The following PLEKHG6 variants were observed in gnomAD, a reference collection of about 807,000 sequenced individuals.
The protein encoded by PLEKHG6 is pleckstrin homology and RhoGEF domain containing G6, also known as pleckstrin homology domain-containing family G member 6.
A neutral mutation model predicts 97.5 loss-of-function variants in PLEKHG6; 91 were observed. That is an observed-to-expected ratio of 0.93 (90% CI 0.79 to 1.11). The LOEUF (loss-of-function observed/expected upper bound fraction) is 1.11, where lower values mean the gene tolerates loss of function less well. Ranked by LOEUF, PLEKHG6 falls within the 50% of genes most tolerant of loss-of-function variation. PLEKHG6 has a pLI of 0.00. For missense variants in PLEKHG6, 1,044 were observed against 1,031.0 expected, an observed-to-expected ratio of 1.01 and a Z score of -0.17; for synonymous variants, 466 against 425.5, an observed-to-expected ratio of 1.10 and a Z score of -1.17.
rs760164718 is a variant in PLEKHG6 at position 6,326,430 on chromosome 12, C to T, written c.1527C>T (p.Ala509=). The T allele has an allele frequency of 5.0e-6, 8 of 1,613,372 alleles. No individual in the cohort carries two copies. Among genetic ancestry groups the T allele is most frequent in the South Asian group, 3.3e-5 (3 of 91,058 alleles). ...ATAACGAAAGTGTCCTGTCCCAGGC[C>T]GCCCTACAGAAGCTGAAGGCAGAGG... The part of the protein sequence containing the change: ...QWLEKTQQAQ[A]ALQKLKAEEY... Residue 509 remains alanine (A), a splice_region_variant and synonymous_variant, in exon 14 of 16, where the codon GCC becomes GCT. Transcript: ENST00000684764.
chr12:6,317,519 C>T (rs1312196838), intron 8 of PLEKHG6, 28 bp from the exon 9 acceptor site: 7 of 1,612,144 alleles, frequency 4.3e-6, no homozygotes, highest in Non-Finnish European at 5.1e-6. Context: ...AGGGAGCAAA[C>T]CCTGAGCCCC....
In PLEKHG6 at chr12:6,328,430, C is replaced by T. The variant is rs758982145; in HGVS notation, c.*285C>T. ...TTGGGAGGCTGAGGTGGGAGGATCC[C>T]TTGAGCCCAGGAGTTCCAGACCAGC... On this transcript the variant is annotated 3_prime_UTR_variant, in exon 16 of 16. Coordinates refer to ENST00000684764, the MANE Select transcript of PLEKHG6 (RefSeq NM_001384598.1). The T allele has an allele frequency of 4.9e-6, 2 of 406,952 alleles. No homozygotes were observed. The highest frequency in any genetic ancestry group is 4.4e-6 in the Non-Finnish European group (1 of 226,482). 25.2% of individuals were successfully genotyped at this position (406,952 alleles called of 1,614,324 possible). A position where few individuals can be genotyped will look rare whatever the true frequency, so the allele number is the denominator to read the frequency against.
Position 6,315,243 on chromosome 12 carries a change from G to T in PLEKHG6, c.459+74G>T. The T allele has an allele frequency of 7.0e-7, 1 of 1,437,604 alleles. No homozygotes were observed. The allele number at this position is 1,437,604 out of a possible 1,614,324, so 89.1% of individuals were successfully genotyped here. A position where few individuals can be genotyped will look rare whatever the true frequency, so the allele number is the denominator to read the frequency against. ...CACACAGATTCTGCTCTAGAGGAGG[G>T]AAAGGCCTTGGGAAGTGGGGTCATG... On this transcript the variant is annotated intron_variant, in intron 4 of 15. Coordinates refer to ENST00000684764, the MANE Select transcript of PLEKHG6 (RefSeq NM_001384598.1). The surrounding 1 kb of genome is among the most constrained non-coding windows in gnomAD (Gnocchi z 4.5).
At chr12:6,324,448 G>T (rs905336384) in intron 13 of PLEKHG6, among the ~76,000 whole-genome samples, 1 of 152,140 alleles carries the variant, frequency 6.6e-6, no homozygotes, top group Non-Finnish European at 1.5e-5. Flanking sequence ...ACACAAACCT[G>T]AATTTGGGTC....
rs1592017037 is a variant in PLEKHG6 at position 6,310,716 on chromosome 12, G to C, written c.-201G>C. 1 of 152,230 alleles carries C rather than the reference G, an allele frequency of 6.6e-6. No homozygotes were observed. 9.4% of individuals were successfully genotyped at this position (152,230 alleles called of 1,614,324 possible). A position where few individuals can be genotyped will look rare whatever the true frequency, so the allele number is the denominator to read the frequency against. On this transcript the variant is annotated 5_prime_UTR_variant, in exon 1 of 16. Transcript: ENST00000684764. The stretch of plus-strand genomic sequence containing the variant: ...CGGACCCGCGCTGCCCGGCTCCCGC[G>C]GGCCGCTCGATCCCAGTCCCAGGCT...
At chr12:6,324,595 C>G (rs1255437763) in intron 13 of PLEKHG6, among the ~76,000 whole-genome samples, 2 of 152,128 alleles carry the variant, frequency 1.3e-5, no homozygotes, top group African/African-American at 4.8e-5. Flanking sequence ...GCCCCAGGTC[C>G]CGGCCCTGGC....
chr12:6,327,234 C>T lies in PLEKHG6; in HGVS notation c.1671-20C>T, dbSNP rs1332923030. The T allele has an allele frequency of 2.7e-6, 4 of 1,503,912 alleles. No individual in the cohort carries two copies. The highest frequency in any genetic ancestry group is 1.9e-5 in the Admixed American group (1 of 52,366). The allele number at this position is 1,503,912 out of a possible 1,614,324, so 93.2% of individuals were successfully genotyped here. Reference sequence around the variant, plus strand: ...TTGAACTTGACCCCTACGCATCTGACTCTTTGCCATTAACTGTAGGACTCC... The same window carrying T: ...TTGAACTTGACCCCTACGCATCTGATTCTTTGCCATTAACTGTAGGACTCC... On this transcript the variant is annotated intron_variant, in intron 14 of 15. Transcript: ENST00000684764.
At position 6,316,152 on chromosome 12, in the gene PLEKHG6, C is replaced by A; in HGVS notation, c.607-103C>A. 8.4e-7 allele frequency: 1 copy of A among 1,195,172 alleles called. No homozygotes were observed. The highest frequency in any genetic ancestry group is 2.6e-5 in the East Asian group (1 of 38,686). The allele number at this position is 1,195,172 out of a possible 1,614,324, so 74.0% of individuals were successfully genotyped here. A position where few individuals can be genotyped will look rare whatever the true frequency, so the allele number is the denominator to read the frequency against. On this transcript the variant is annotated intron_variant, in intron 6 of 15. Coordinates refer to ENST00000684764, the MANE Select transcript of PLEKHG6 (RefSeq NM_001384598.1). The surrounding 1 kb of genome is among the most constrained non-coding windows in gnomAD (Gnocchi z 4.1). ...AGTGCCCAGTTCATCCTTCTTCACCCCCGCCCCTGCTGTCCAAGCTTAAGG... is the reference window on the plus strand; with the variant it reads ...AGTGCCCAGTTCATCCTTCTTCACCACCGCCCCTGCTGTCCAAGCTTAAGG...
In PLEKHG6 at chr12:6,327,639, C is replaced by T. The variant is rs200997289; in HGVS notation, c.2056C>T (p.His686Tyr). The T allele has an allele frequency of 6.4e-7, 1 of 1,565,524 alleles. No homozygotes were observed. Among genetic ancestry groups the T allele is most frequent in the African/African-American group, 1.4e-5 (1 of 73,612 alleles). Residue 686 changes from histidine to tyrosine, a missense_variant, in exon 15 of 16, where the codon CAC becomes TAC. By Grantham distance (83) the His-to-Tyr change is moderately conservative (BLOSUM62 2). Transcript: ENST00000684764. ...ERGNVVVETL[H>Y]RARLRGQLPS... is the part of the protein sequence containing the mutation. The stretch of plus-strand genomic sequence containing the variant: ...AGGGAATGTGGTGGTGGAAACACTC[C>T]ACAGGGCCCGGCTTCGGGGCCAGCT...
Position 6,318,329 on chromosome 12 carries a change from T to C in PLEKHG6, c.1184T>C (p.Leu395Pro), listed in dbSNP as rs748220097. 1 of 1,614,080 alleles carries C rather than the reference T, an allele frequency of 6.2e-7. No individual in the cohort carries two copies. The highest frequency in any genetic ancestry group is 1.1e-5 in the South Asian group (1 of 91,088). ...CTGCGCCCATTCTCCACCCTGGACCTGACGTCCCCCATGCTGGGGGTTGCA... is the reference window on the plus strand; with the variant it reads ...CTGCGCCCATTCTCCACCCTGGACCCGACGTCCCCCATGCTGGGGGTTGCA... ...KNLRPFSTLD[L>P]TSPMLGVASE... The change falls in exon 11 of 16, where the codon CTG becomes CCG. Residue 395 changes from leucine (L) to proline (P), a missense_variant. By Grantham distance (98) the Leu-to-Pro change is moderately conservative. Transcript: ENST00000684764.
rs1279894176 is a variant in PLEKHG6, at chr12:6,316,328, TGGGGCCCACCCTGGAGGAGACTC to T, written c.684_706del (p.Pro229LeufsTer45). The T allele has an allele frequency of 6.4e-7, 1 of 1,560,756 alleles. No homozygotes were observed. The highest frequency in any genetic ancestry group is 1.9e-5 in the Admixed American group (1 of 52,104). On this transcript the variant is annotated frameshift_variant, in exon 7 of 16. Coordinates refer to ENST00000684764, the MANE Select transcript of PLEKHG6 (RefSeq NM_001384598.1). LOFTEE classifies it high-confidence loss of function. This position sits in a 1 kb window ranked among gnomAD's most constrained non-coding sequence, Gnocchi z 4.1. ...CACCGGAGCTTTTGGGATGAGGTGC[TGGGGCCCACCCTGGAGGAGACTC>T]GGGCCTCGGGCCAGCCTCTGGACCC...
rs2136704954 is a variant in PLEKHG6 at position 6,310,851 on chromosome 12, G to A, written c.-69+3G>A. On this transcript the variant is annotated splice_donor_region_variant and intron_variant, in intron 1 of 15. Coordinates refer to ENST00000684764, the MANE Select transcript of PLEKHG6 (RefSeq NM_001384598.1). ...TGCGGTGACACCTGTGGGCACAGGT[G>A]AGCGGCGGGAGGGCTACGCGGCCCG... 1 of 152,518 alleles carries A rather than the reference G, an allele frequency of 6.6e-6. No individual in the cohort carries two copies. The highest frequency in any genetic ancestry group is 6.6e-5 in the Admixed American group (1 of 15,228). The allele number at this position is 152,518 out of a possible 1,614,324, so 9.4% of individuals were successfully genotyped here.
At chr12:6,310,446 G>C (rs1298060877), upstream of PLEKHG6, 2 of 152,250 alleles carry the variant, frequency 1.3e-5, no homozygotes, top group Non-Finnish European at 2.9e-5. Context: ...AGCGCCTCGC[G>C]GGGGTCTGGC....
intron 8 of PLEKHG6, 46 bp downstream of exon 8, chr12:6,317,459 G>T: frequency 1.2e-6 from 2 of 1,609,996 alleles, no homozygotes; most frequent in East Asian, 4.5e-5. Flanking sequence ...ATCTTAGCCG[G>T]CCGGTCTCCA....
At chr12:6,325,805 C>G (rs1307145263) in intron 13 of PLEKHG6, among the ~76,000 whole-genome samples, 2 of 152,184 alleles carry the variant, frequency 1.3e-5, no homozygotes, top group South Asian at 2.1e-4. Flanking sequence ...GCAGGAAGAC[C>G]TGTACAGGTA....
At chr12:6,324,640 G>A (rs113392699) in intron 13 of PLEKHG6, among the ~76,000 whole-genome samples, 81 of 152,228 alleles carry the variant, frequency 5.3e-4, no homozygotes, top group African/African-American at 1.9e-3. Context: ...CCCCTGCTCC[G>A]GCCAACAGAC....
chr12:6,320,537 C>T (rs1363747665), intron 13 of PLEKHG6, among the ~76,000 whole-genome samples: 1 of 152,148 alleles, frequency 6.6e-6, no homozygotes, highest in Non-Finnish European at 1.5e-5. Context: ...CATGGCCTTC[C>T]TCTCTGTATG....
chr12:6,315,139 G>T lies in PLEKHG6; in HGVS notation c.429G>T (p.Lys143Asn). 6.2e-7 allele frequency: 1 copy of T among 1,612,050 alleles called. No homozygotes were observed. Reference sequence around the variant, plus strand: ...GCGACAGTGGCCTGACCATCGAGAAGTCCTGGAGGGAGCTGGTGCCTGGGC... The same window carrying T: ...GCGACAGTGGCCTGACCATCGAGAATTCCTGGAGGGAGCTGGTGCCTGGGC... Reference protein sequence around the residue: ...EGGDSGLTIEKSWRELVPGHK... With the variant: ...EGGDSGLTIENSWRELVPGHK... Residue 143 changes from lysine to asparagine, a missense_variant, in exon 4 of 16, where the codon AAG becomes AAT. Coordinates refer to ENST00000684764, the MANE Select transcript of PLEKHG6 (RefSeq NM_001384598.1). This position sits in a 1 kb window ranked among gnomAD's most constrained non-coding sequence, Gnocchi z 4.5.
At chr12:6,318,210 A>T in intron 10 of PLEKHG6, 91 bp from the exon 11 acceptor site, 8 of 1,581,724 alleles carry the variant, frequency 5.1e-6, no homozygotes, top group Non-Finnish European at 6.9e-6. Context: ...ACAAACAGAA[A>T]GGTGTTGGTG....
Sources: gnomAD v4.1 joint callset for allele counts (sites outside exome capture counted in the v4.1 genomes callset) on GRCh38, gnomAD v4.1.1 for gene constraint, Gnocchi (gnomAD v3.1) non-coding constraint, MANE v1.5 for transcripts, NCBI Gene and HGNC (gene_info 2026-07-23, HGNC 2026-07-21) for gene names.